Variants in ECM2 observed in about 807,000 individuals in gnomAD.
The protein encoded by ECM2 is extracellular matrix protein 2, female organ and adipocyte specific.
A neutral mutation model predicts 67.5 loss-of-function variants in ECM2; 57 were observed. The observed-to-expected ratio is 0.84, with a 90% CI of 0.68 to 1.05. The LOEUF (loss-of-function observed/expected upper bound fraction) is 1.05. Ranked by LOEUF, ECM2 falls within the 50% of genes least tolerant of loss-of-function variation. The pLI, the probability that ECM2 is intolerant of heterozygous loss-of-function variation, is 0.00. For synonymous variants in ECM2, 258 were observed against 294.5 expected, an observed-to-expected ratio of 0.88 and a Z score of 1.27; for missense variants, 741 against 822.8, an observed-to-expected ratio of 0.90 and a Z score of 1.22.
At chr9:92,529,537 C>T (rs1006418214) in intron 1 of ECM2, among the ~76,000 whole-genome samples, 4 of 151,732 alleles carry the variant, frequency 2.6e-5, no homozygotes, top group African/African-American at 9.7e-5. Flanking sequence ...TCATAATTGC[C>T]AAAACTTAGA....
intron 1 of ECM2, among the ~76,000 whole-genome samples, chr9:92,526,057 A>G (rs1848391632): frequency 6.6e-6 from 1 of 152,150 alleles, no homozygotes; most frequent in Non-Finnish European, 1.5e-5. Context: ...TTAACTGCGC[A>G]ACAGCCTGAG....
At chr9:92,538,777 A>G (rs1338690659), upstream of ECM2, among the ~76,000 whole-genome samples, 1 of 152,220 alleles carries the variant, frequency 6.6e-6, no homozygotes, top group African/African-American at 2.4e-5. Context: ...ACTCTGCAGG[A>G]ATGTGGTATT....
intron 2 of ECM2, among the ~76,000 whole-genome samples, chr9:92,518,300 G>A (rs72754430): frequency 0.04 from 6,051 of 152,254 alleles, 184 homozygotes; most frequent in South Asian, 0.098. Flanking sequence ...CTGCGGTAGT[G>A]GAAATGTGAG....
the ECM2 span, among the ~76,000 whole-genome samples, chr9:92,542,398 A>G: frequency 2.0e-5 from 3 of 151,806 alleles, no homozygotes; most frequent in Non-Finnish European, 4.4e-5. Flanking sequence ...ATTTGATGTA[A>G]TCTCATTTGT....
At chr9:92,552,024 AT>A in the ECM2 span, among the ~76,000 whole-genome samples, 125 of 127,018 alleles carry the variant, frequency 9.8e-4, 4 homozygotes, top group Non-Finnish European at 1.1e-3. Context: ...GATATGATAG[AT>A]CTATCATATA....
the ECM2 span, among the ~76,000 whole-genome samples, chr9:92,551,474 A>T: frequency 0.011 from 1,729 of 152,210 alleles, 27 homozygotes; most frequent in African/African-American, 0.038. Flanking sequence ...AATGTCTGGG[A>T]CTACGGGCAC....
intron 7 of ECM2, among the ~76,000 whole-genome samples, chr9:92,503,880 G>C (rs927461441): frequency 6.6e-5 from 10 of 152,234 alleles, no homozygotes; most frequent in African/African-American, 2.2e-4. Context: ...CTGTAGGAAA[G>C]AATGACATGA....
At chr9:92,554,752 C>G in the ECM2 span, among the ~76,000 whole-genome samples, 1 of 151,994 alleles carries the variant, frequency 6.6e-6, no homozygotes, top group African/African-American at 2.4e-5. Context: ...AGTTTCCTGC[C>G]TCAGCCTCCC....
chr9:92,502,797 A>AAGTT, intron 7 of ECM2, 145 bp from the exon 8 acceptor site: 1 of 622,270 alleles, frequency 1.6e-6, no homozygotes, highest in Admixed American at 4.2e-5. Context: ...TCATATTTTT[A>AAGTT]AGTTGTCTTT....
chr9:92,523,530 C>T (rs148402895), intron 1 of ECM2, among the ~76,000 whole-genome samples: 3 of 152,234 alleles, frequency 2.0e-5, no homozygotes, highest in Non-Finnish European at 4.4e-5. Flanking sequence ...ATGGAGGCTG[C>T]AAAAGGCCCA....
intron 2 of ECM2, among the ~76,000 whole-genome samples, chr9:92,520,394 A>G (rs1434126850): frequency 6.6e-6 from 1 of 152,124 alleles, no homozygotes; most frequent in Non-Finnish European, 1.5e-5. Flanking sequence ...GTTGTTAGGG[A>G]AATGCAAATC....
upstream of ECM2, among the ~76,000 whole-genome samples, chr9:92,540,984 G>T (rs13301093): frequency 6.6e-6 from 1 of 152,060 alleles, no homozygotes; most frequent in Non-Finnish European, 1.5e-5. Flanking sequence ...TGTATTGGCT[G>T]GGGGCAGTGG....
chr9:92,527,183 AT>A, intron 1 of ECM2, among the ~76,000 whole-genome samples: 1 of 151,522 alleles, frequency 6.6e-6, no homozygotes. Context: ...TGATTTTTAT[AT>A]TTTTTTTGTA....
At chr9:92,558,629 G>A in the ECM2 span, among the ~76,000 whole-genome samples, 9 of 152,124 alleles carry the variant, frequency 5.9e-5, no homozygotes, top group Non-Finnish European at 1.0e-4. Context: ...CTGTCAAGAG[G>A]TGATGCTTCC....
chr9:92,514,881 T>C lies in ECM2; in HGVS notation c.804A>G (p.Gly268=). 1 of 1,613,446 alleles carries C rather than the reference T, an allele frequency of 6.2e-7. No individual in the cohort carries two copies. Among genetic ancestry groups the C allele is most frequent in the Non-Finnish European group, 8.5e-7 (1 of 1,179,566 alleles). ...CCTCCTCATCCTCCTCCTCCTCCCTTCCTTGGCGTTGTTGCTGGTGTGCCA... is the reference window on the plus strand; with the variant it reads ...CCTCCTCATCCTCCTCCTCCTCCCTCCCTTGGCGTTGTTGCTGGTGTGCCA... The part of the protein sequence containing the change: ...RRLAHQQQRQ[G]REEEEDEEEE... The change falls in exon 4 of 10, where the codon GGA becomes GGG. Residue 268 remains glycine (G), a synonymous_variant. Transcript: ENST00000344604.
chr9:92,550,309 T>C, the ECM2 span, among the ~76,000 whole-genome samples: 2 of 150,820 alleles, frequency 1.3e-5, no homozygotes, highest in Non-Finnish European at 2.9e-5. Context: ...GGCAGGAGAG[T>C]CACTTGAACC....
At chr9:92,538,783 G>A (rs1849248637), upstream of ECM2, among the ~76,000 whole-genome samples, 1 of 152,170 alleles carries the variant, frequency 6.6e-6, no homozygotes, top group Non-Finnish European at 1.5e-5. Flanking sequence ...CAGGAATGTG[G>A]TATTGGTCAC....
chr9:92,493,993 C>T (rs1390914451), downstream of ECM2: 5 of 1,341,646 alleles, frequency 3.7e-6, no homozygotes, highest in East Asian at 1.2e-4. Context: ...GGCCCTCAGG[C>T]CCCAGTGTGC....
chr9:92,505,687 A>G lies in ECM2; in HGVS notation c.1310T>C (p.Leu437Ser). 6.4e-7 allele frequency: 1 copy of G among 1,566,314 alleles called. No homozygotes were observed. Among genetic ancestry groups the G allele is most frequent in the Non-Finnish European group, 8.6e-7 (1 of 1,164,378 alleles). Residue 437 changes from leucine to serine, a missense_variant, in exon 7 of 10, where the codon TTA becomes TCA. Physicochemically the swap from Leu to Ser is moderately radical, Grantham distance 145. Transcript: ENST00000344604. ...CAATTCTAAGGTGACCAACTGATTT[A>G]AGTCTATAAAAAATAAAAGTATTAG... ...QAIDEESLSD[L>S]NQLVTLELEG...
Sources: gnomAD v4.1 joint callset for allele counts (sites outside exome capture counted in the v4.1 genomes callset) on GRCh38, gnomAD v4.1.1 for gene constraint, MANE v1.5 for transcripts, NCBI Gene and HGNC (gene_info 2026-07-23, HGNC 2026-07-21) for gene names.